Variants in FAT2 observed in about 807,000 individuals in gnomAD.
FAT2 encodes the protein protocadherin Fat 2.
FAT2 carries 150 observed loss-of-function variants against 295.3 expected under a neutral mutation model. The observed-to-expected ratio is 0.51, with a 90% confidence interval of 0.44 to 0.58. The LOEUF is 0.58. Ranked by LOEUF, FAT2 falls within the 20% of genes least tolerant of loss-of-function variation. The probability of loss-of-function intolerance (pLI) is 0.00; values close to 1 mark genes in which losing one functional copy is unlikely to be tolerated. For missense variants in FAT2, 4,868 were observed against 5,442.7 expected (o/e 0.89, Z 3.32); for synonymous variants, 2,026 against 2,150.3 (o/e 0.94, Z 1.60).
At position 151,543,596 on chromosome 5, in the gene FAT2, C is replaced by CATA; in HGVS notation, c.7530_7531insTAT (p.Ser2510_Gly2511insTyr). On this transcript the variant is annotated inframe_insertion, in exon 10 of 24. Coordinates refer to ENST00000261800, the MANE Select transcript of FAT2 (RefSeq NM_001447.3). ...GTATAATCTATAGTGCCATAGGGAC[C>CATA]ACTATCTTTGTCTATGGCTAGCAAA... 6.2e-7 allele frequency: 1 copy of CATA among 1,614,140 alleles called. No individual in the cohort carries two copies. The highest frequency in any genetic ancestry group is 8.5e-7 in the Non-Finnish European group (1 of 1,180,016).
intron 2 of FAT2, 82 bp from the exon 3 acceptor site, chr5:151,563,721 AACCGC>A: frequency 8.9e-7 from 1 of 1,120,872 alleles, no homozygotes; most frequent in Non-Finnish European, 1.3e-6. Flanking sequence ...CCATTCCCCA[AACCGC>A]ACTGTGGAAA....
At chr5:151,552,264 G>A (rs903029500) in intron 6 of FAT2, among the ~76,000 whole-genome samples, 28 of 152,202 alleles carry the variant, frequency 1.8e-4, no homozygotes, top group Non-Finnish European at 3.2e-4. Flanking sequence ...GGGATTACAG[G>A]TGCGAGCCAC....
chr5:151,543,330 A>G lies in FAT2; in HGVS notation c.7797T>C (p.Ser2599=), dbSNP rs772465366. 1.9e-6 allele frequency: 3 copies of G among 1,614,166 alleles called. No homozygotes were observed. The South Asian group carries it at 3.3e-5, about 18-fold the overall frequency. Residue 2599 remains serine (S), a synonymous_variant, in exon 10 of 24, where the codon AGT becomes AGC. Coordinates refer to ENST00000261800, the MANE Select transcript of FAT2 (RefSeq NM_001447.3). ...ACACCTGGATAACCGGAGAGTCTTT[A>G]CTGACATTGGATTGAATGGATACTG... is the stretch of plus-strand genomic sequence containing the variant. ...EYTVSIQSNV[S]KDSPVIQVLA...
intron 13 of FAT2, 76 bp from the exon 14 acceptor site, chr5:151,532,046 A>T (rs1754684155): frequency 1.9e-6 from 3 of 1,556,668 alleles, no homozygotes; most frequent in Non-Finnish European, 2.6e-6. Context: ...CCCTGCAGCC[A>T]CAGGAGGGGC....
In FAT2 at chr5:151,566,024, C is replaced by A. The variant is rs2127645097; in HGVS notation, c.2908G>T (p.Gly970Trp). ...VRYVLMDGAH[G>W]TFRVDLMTGA... ...GTCATCAGGTCCACCCGGAAGGTCCCATGGGCGCCATCCATCAGAACATAT... is the reference window on the plus strand; with the variant it reads ...GTCATCAGGTCCACCCGGAAGGTCCAATGGGCGCCATCCATCAGAACATAT... Residue 970 changes from glycine to tryptophan, a missense_variant, in exon 2 of 24, where the codon GGG becomes TGG. Gly to Trp is a radical substitution (Grantham distance 184, BLOSUM62 -2). This residue lies in a region of FAT2 where 3,297 missense variants were observed against 3,669.4 expected (regional missense o/e 0.90). Coordinates refer to ENST00000261800, the MANE Select transcript of FAT2 (RefSeq NM_001447.3). The A allele has an allele frequency of 6.2e-7, 1 of 1,614,174 alleles. No individual in the cohort carries two copies. The highest frequency in any genetic ancestry group is 8.5e-7 in the Non-Finnish European group (1 of 1,180,040).
chr5:151,508,197 G>C (rs181373831), intron 22 of FAT2, among the ~76,000 whole-genome samples: 79 of 152,316 alleles, frequency 5.2e-4, no homozygotes, highest in Admixed American at 1.6e-3. Context: ...GGGCTATTGG[G>C]AAAGTTTGCC....
At chr5:151,570,846 CT>C (rs1406715076) in intron 1 of FAT2, among the ~76,000 whole-genome samples, 6 of 152,184 alleles carry the variant, frequency 3.9e-5, no homozygotes, top group Admixed American at 3.9e-4. Flanking sequence ...TGCCAGAGTC[CT>C]GTGTGAACTG....
chr5:151,505,819 G>T lies in FAT2; in HGVS notation c.12796C>A (p.Pro4266Thr). Residue 4266 changes from proline to threonine, a missense_variant, in exon 24 of 24, where the codon CCC becomes ACC. By Grantham distance (38) the Pro-to-Thr change is conservative. Around this residue, in one of 5 missense-constraint regions of FAT2, gnomAD observed 492 missense variants for 482.6 expected, o/e 1.02. Coordinates refer to ENST00000261800, the MANE Select transcript of FAT2 (RefSeq NM_001447.3). The part of the protein sequence containing the change: ...PPSPRERLVA[P>T]CLNEYTAISY... ...ATGGCCGTGTACTCATTGAGACAGG[G>T]GGCAACCAGGCGCTCCCGGGGACTA... The T allele has an allele frequency of 1.2e-6, 2 of 1,613,510 alleles. No homozygotes were observed. Among genetic ancestry groups the T allele is most frequent in the Non-Finnish European group, 1.7e-6 (2 of 1,179,786 alleles).
In FAT2 at chr5:151,554,476, G is replaced by C; in HGVS notation, c.3831C>G (p.Gly1277=). The stretch of plus-strand genomic sequence containing the variant: ...TGTCCTCGATACTGTAGGTGACTCT[G>C]CCATTAAGACCCTCATCCAGGTCTG... The part of the protein sequence containing the change: ...VASDLDEGLN[G]RVTYSIEDSD... Residue 1277 remains glycine (G), a synonymous_variant, in exon 5 of 24, where the codon GGC becomes GGG. Transcript: ENST00000261800. The C allele has an allele frequency of 1.9e-6, 3 of 1,614,196 alleles. No individual in the cohort carries two copies. Among genetic ancestry groups the C allele is most frequent in the Non-Finnish European group, 2.5e-6 (3 of 1,180,026 alleles).
At chr5:151,520,371 C>T (rs537577490) in intron 19 of FAT2, among the ~76,000 whole-genome samples, 7 of 152,310 alleles carry the variant, frequency 4.6e-5, no homozygotes, top group East Asian at 1.9e-4. Context: ...ATTTGAATAA[C>T]GAGGCCTTCA....
rs749867328 is a variant in FAT2, at chr5:151,553,246, G to C, written c.4087C>G (p.Pro1363Ala). 19 of 1,614,092 alleles carry C rather than the reference G, an allele frequency of 1.2e-5. No homozygotes were observed. Among genetic ancestry groups the C allele is most frequent in the Non-Finnish European group, 1.5e-5 (18 of 1,180,038 alleles). ...ATGACCCCCACCATGTGGTTCACAG[G>C]GTCCGTCTCCATGACCGTAAAGCTG... ...YYSFTVMETD[P>A]VNHMVGVISV... The change falls in exon 6 of 24, where the codon CCT (proline) becomes GCT (alanine). Residue 1363 changes from proline (P) to alanine (A), a missense_variant. Coordinates refer to ENST00000261800, the MANE Select transcript of FAT2 (RefSeq NM_001447.3).
At chr5:151,591,705 G>T (rs1370868307), upstream of FAT2, among the ~76,000 whole-genome samples, 1 of 152,092 alleles carries the variant, frequency 6.6e-6, no homozygotes, top group African/African-American at 2.4e-5. Flanking sequence ...TTTCCCCAGG[G>T]CTTTGGAGAC....
In FAT2 at chr5:151,544,865, C is replaced by G. The variant is rs775010323; in HGVS notation, c.6262G>C (p.Val2088Leu). The G allele has an allele frequency of 6.2e-7, 1 of 1,614,188 alleles. No homozygotes were observed. Among genetic ancestry groups the G allele is most frequent in the Admixed American group, 1.7e-5 (1 of 60,028 alleles). The stretch of plus-strand genomic sequence containing the variant: ...TCAGTGGCAGATACCTGAAAGAGGA[C>G]ATCCCCTGGCTCTGTGCCATCTTGG... Reference protein sequence around the residue: ...IIQDGTEPGDVLFQVSATDED... With the variant: ...IIQDGTEPGDLLFQVSATDED... The change falls in exon 10 of 24, where the codon GTC becomes CTC. Residue 2088 changes from valine to leucine, a missense_variant. Val to Leu is a conservative substitution (Grantham distance 32). Coordinates refer to ENST00000261800, the MANE Select transcript of FAT2 (RefSeq NM_001447.3).
intron 1 of FAT2, among the ~76,000 whole-genome samples, chr5:151,583,514 T>C (rs573097865): frequency 3.3e-4 from 51 of 152,240 alleles, no homozygotes; most frequent in African/African-American, 1.2e-3. Flanking sequence ...ATAGATTAGA[T>C]TAAGATAGTG....
intron 20 of FAT2, among the ~76,000 whole-genome samples, chr5:151,513,628 A>T (rs1303149865): frequency 6.6e-6 from 1 of 152,166 alleles, no homozygotes; most frequent in Non-Finnish European, 1.5e-5. Context: ...AGGACAAAAA[A>T]CTACCTATCA....
Position 151,527,978 on chromosome 5 carries a change from C to G in FAT2, c.10164+18G>C. On this transcript the variant is annotated intron_variant, in intron 16 of 23. Coordinates refer to ENST00000261800, the MANE Select transcript of FAT2 (RefSeq NM_001447.3). Reference sequence around the variant, plus strand: ...CTGCTCTAATGAGCTCAGGGTGCGCCCCTCCCACATGACTCACCTGTTCCC... The same window carrying G: ...CTGCTCTAATGAGCTCAGGGTGCGCGCCTCCCACATGACTCACCTGTTCCC... 1 of 1,613,022 alleles carries G rather than the reference C, an allele frequency of 6.2e-7. No homozygotes were observed.
At chr5:151,556,799 G>A (rs1391120117) in intron 3 of FAT2, among the ~76,000 whole-genome samples, 1 of 152,174 alleles carries the variant, frequency 6.6e-6, no homozygotes, top group African/African-American at 2.4e-5. Context: ...GCAAGGCTAA[G>A]GTATCATGTT....
chr5:151,516,327 T>G (rs1752859259), intron 20 of FAT2, among the ~76,000 whole-genome samples: 1 of 152,140 alleles, frequency 6.6e-6, no homozygotes, highest in Non-Finnish European at 1.5e-5. Flanking sequence ...CTGGCCAACA[T>G]GGTGAAACCT....
chr5:151,578,880 C>T (rs1049309983), intron 1 of FAT2, among the ~76,000 whole-genome samples: 1 of 152,216 alleles, frequency 6.6e-6, no homozygotes, highest in African/African-American at 2.4e-5. Flanking sequence ...AGGGCAAATA[C>T]TGCAAATACT....
Sources: allele counts gnomAD v4.1 joint callset (sites outside exome capture counted in the v4.1 genomes callset), GRCh38; gene constraint gnomAD v4.1.1; regional missense constraint gnomAD v4.1.1; transcripts MANE v1.5; gene names NCBI Gene and HGNC (gene_info 2026-07-23, HGNC 2026-07-21).